The following CSMD1 variants were observed in gnomAD, a reference collection of about 807,000 sequenced individuals.
CSMD1 encodes the protein CUB and Sushi multiple domains 1.
In CSMD1, 213 loss-of-function variants were observed where a neutral mutation model predicts 417.5. That is an observed-to-expected ratio of 0.51 (90% CI 0.46 to 0.57). The LOEUF (loss-of-function observed/expected upper bound fraction) is 0.57, where lower values mean the gene tolerates loss of function less well. Among genes scored for constraint, CSMD1 ranks in the 20% least tolerant of loss-of-function variants. CSMD1 has a pLI of 0.00. For missense variants in CSMD1, 6,923 were observed against 4,529.7 expected, an observed-to-expected ratio of 1.53 and a Z score of -15.17; for synonymous variants, 2,862 against 1,736.8, an observed-to-expected ratio of 1.65 and a Z score of -16.11.
At chr8:4,857,249 T>G (rs910790074) in intron 1 of CSMD1, among the ~76,000 whole-genome samples, 18 of 147,344 alleles carry the variant, frequency 1.2e-4, no homozygotes, top group African/African-American at 3.7e-4. Flanking sequence ...CCAGAATCTC[T>G]GGGACGCATT....
intron 5 of CSMD1, among the ~76,000 whole-genome samples, chr8:3,863,453 T>G (rs1563155833): frequency 6.6e-6 from 1 of 151,318 alleles, no homozygotes; most frequent in Non-Finnish European, 1.5e-5. Flanking sequence ...CTTCGTGACT[T>G]AGTCTCTTCC....
intron 3 of CSMD1, among the ~76,000 whole-genome samples, chr8:4,334,518 G>C (rs543170371): frequency 6.6e-6 from 1 of 152,218 alleles, no homozygotes; most frequent in Admixed American, 6.5e-5. Context: ...ATAAATGCAT[G>C]AGCTAATTCC....
At chr8:3,829,154 T>G (rs945343835) in intron 5 of CSMD1, among the ~76,000 whole-genome samples, 1 of 152,128 alleles carries the variant, frequency 6.6e-6, no homozygotes, top group East Asian at 1.9e-4. Context: ...CTGCACTCTA[T>G]TTGTTGTCTT....
chr8:3,770,857 G>C (rs748951968), intron 5 of CSMD1, among the ~76,000 whole-genome samples: 2 of 152,108 alleles, frequency 1.3e-5, no homozygotes, highest in East Asian at 3.9e-4. Context: ...AAAACAAATG[G>C]TCCTGTAGCT....
chr8:4,727,779 G>C (rs909882268), intron 1 of CSMD1, among the ~76,000 whole-genome samples: 2 of 151,240 alleles, frequency 1.3e-5, no homozygotes, highest in South Asian at 2.1e-4. Context: ...TCTGCTTCCA[G>C]GTGCTAAATT....
chr8:4,464,985 T>C (rs1585122045), intron 2 of CSMD1, among the ~76,000 whole-genome samples: 1 of 152,098 alleles, frequency 6.6e-6, no homozygotes, highest in Non-Finnish European at 1.5e-5. Flanking sequence ...GAATGACTTC[T>C]TTTTCCTGAA....
intron 3 of CSMD1, among the ~76,000 whole-genome samples, chr8:4,218,911 G>A (rs1800853771): frequency 6.6e-6 from 1 of 152,058 alleles, no homozygotes; most frequent in African/African-American, 2.4e-5. Context: ...TTTCCATTTT[G>A]GATCTGAACC....
At chr8:3,796,821 GAGATA>G in intron 5 of CSMD1, among the ~76,000 whole-genome samples, 1 of 151,238 alleles carries the variant, frequency 6.6e-6, no homozygotes, top group Non-Finnish European at 1.5e-5. Context: ...ATCAACATAA[GAGATA>G]AGCTTAAAGC....
At chr8:4,070,198 T>C (rs562043961) in intron 3 of CSMD1, among the ~76,000 whole-genome samples, 1 of 152,198 alleles carries the variant, frequency 6.6e-6, no homozygotes. Context: ...AAACCTCTTT[T>C]TTTCTGTGTT....
rs144968225 is a variant in CSMD1, at chr8:4,397,191, T to A, written c.415+22762A>T. Among the ~76,000 whole-genome samples, 17 of 152,296 alleles carry A rather than the reference T, an allele frequency of 1.1e-4. No individual in the cohort carries two copies. In the East Asian group the frequency reaches 3.3e-3, roughly 29 times the overall value. On this transcript the variant is annotated intron_variant, in intron 3 of 69. Transcript: ENST00000635120. ...GCATGATGATCAACATGTATGTGTT[T>A]GATCCTATTTTAAAAAAAACAAGAA...
chr8:3,386,454 G>A (rs1284822109), intron 18 of CSMD1, among the ~76,000 whole-genome samples: 1 of 152,214 alleles, frequency 6.6e-6, no homozygotes, highest in Non-Finnish European at 1.5e-5. Context: ...CCTGCACTCT[G>A]TGGTCTCGGC....
chr8:3,222,161 G>C (rs1351357687), intron 28 of CSMD1, among the ~76,000 whole-genome samples: 1 of 152,134 alleles, frequency 6.6e-6, no homozygotes, highest in African/African-American at 2.4e-5. Flanking sequence ...TATGGGTTGG[G>C]AGAGGCTTAG....
chr8:4,027,300 G>C (rs1041655707), intron 4 of CSMD1, among the ~76,000 whole-genome samples: 4 of 152,274 alleles, frequency 2.6e-5, no homozygotes, highest in East Asian at 3.9e-4. Flanking sequence ...AGTGAGTCAG[G>C]AGTAGAAAGT....
chr8:3,483,256 G>C (rs1817844676), intron 11 of CSMD1, among the ~76,000 whole-genome samples: 1 of 152,012 alleles, frequency 6.6e-6, no homozygotes, highest in Non-Finnish European at 1.5e-5. Flanking sequence ...AAGGGAGAGA[G>C]AGATAGAAGG....
At chr8:4,758,707 T>C (rs1811831517) in intron 1 of CSMD1, among the ~76,000 whole-genome samples, 1 of 151,702 alleles carries the variant, frequency 6.6e-6, no homozygotes, top group East Asian at 1.9e-4. Flanking sequence ...GCAGGTAAGA[T>C]AAAGAGAGTA....
chr8:4,885,476 A>G lies in CSMD1; in HGVS notation c.85+108856T>C, dbSNP rs557425433. 1.2e-4 allele frequency among the ~76,000 whole-genome samples: 18 copies of G among 152,106 alleles called. No homozygotes were observed. The East Asian group carries it at 3.3e-3, about 28-fold the overall frequency. On this transcript the variant is annotated intron_variant, in intron 1 of 69. Transcript: ENST00000635120. ...ATAATCTTACATGTGCAATTTTCAT[A>G]AATGTCCTTTATCAAGTTGAGAAAC... is the stretch of plus-strand genomic sequence containing the variant.
intron 10 of CSMD1, among the ~76,000 whole-genome samples, chr8:3,542,171 A>G (rs1033862838): frequency 2.6e-5 from 4 of 152,194 alleles, no homozygotes; most frequent in African/African-American, 9.7e-5. Context: ...AAAATACTTC[A>G]AAACTAAGAG....
intron 5 of CSMD1, among the ~76,000 whole-genome samples, chr8:3,792,824 T>A (rs140086459): frequency 1.7e-3 from 259 of 152,294 alleles, no homozygotes; most frequent in African/African-American, 6.0e-3. Context: ...AAACAACTAC[T>A]CTCTGTATTT....
At chr8:3,736,932 G>T (rs1188963653) in intron 6 of CSMD1, among the ~76,000 whole-genome samples, 1 of 152,160 alleles carries the variant, frequency 6.6e-6, no homozygotes, top group Non-Finnish European at 1.5e-5. Flanking sequence ...AAGCATTCTG[G>T]GTAAGGTTTC....
Sources: gnomAD v4.1 joint callset for allele counts (sites outside exome capture counted in the v4.1 genomes callset) on GRCh38, gnomAD v4.1.1 for gene constraint, MANE v1.5 for transcripts, NCBI Gene and HGNC (gene_info 2026-07-23, HGNC 2026-07-21) for gene names.